The following TSEN34 variants were observed in gnomAD, a reference collection of about 807,000 sequenced individuals.
TSEN34 encodes the protein tRNA splicing endonuclease subunit 34.
TSEN34 carries 25 observed loss-of-function variants against 30.2 expected under a neutral mutation model. The observed-to-expected ratio is 0.83, with a 90% CI of 0.60 to 1.16. The LOEUF (loss-of-function observed/expected upper bound fraction) is 1.16. Among genes scored for constraint, TSEN34 ranks in the 50% most tolerant of loss-of-function variants. TSEN34 has a pLI of 0.00. For synonymous variants in TSEN34, 209 were observed against 177.4 expected, an observed-to-expected ratio of 1.18 and a Z score of -1.41; for missense variants, 475 against 411.9, an observed-to-expected ratio of 1.15 and a Z score of -1.33.
rs2076721724 is a variant in TSEN34, at chr19:54,191,918, G to C, written c.441G>C (p.Glu147Asp). ...CCGGCTCGAGCCAGGCTGCCAAAGA[G>C]GATGAGACCAGTGATGGCCAGGCTT... ...QEAGSSQAAK[E>D]DETSDGQASG... The change falls in exon 2 of 4, where the codon GAG becomes GAC. Residue 147 changes from glutamate to aspartate, a missense_variant. By Grantham distance (45) the Glu-to-Asp change is conservative. Transcript: ENST00000396388. The C allele has an allele frequency of 6.2e-7, 1 of 1,614,066 alleles. No individual in the cohort carries two copies. The highest frequency in any genetic ancestry group is 1.3e-5 in the African/African-American group (1 of 74,922).
rs2076716116 is a variant in TSEN34 at position 54,191,838 on chromosome 19, G to A, written c.361G>A (p.Ala121Thr). 1 of 1,614,064 alleles carries A rather than the reference G, an allele frequency of 6.2e-7. No homozygotes were observed. The highest frequency in any genetic ancestry group is 1.3e-5 in the African/African-American group (1 of 74,932). ...ELLEKITEGQ[A>T]AKKQKLEQAS... is the part of the protein sequence containing the mutation. ...CCTGGAGAAGATTACGGAGGGCCAG[G>A]CTGCTAAGAAGCAGAAACTAGAACA... Residue 121 changes from alanine to threonine, a missense_variant, in exon 2 of 4, where the codon GCT becomes ACT. Physicochemically the swap from Ala to Thr is moderately conservative, Grantham distance 58 (BLOSUM62 0). Transcript: ENST00000396388.
At chr19:54,191,129 C>T (rs143456375), upstream of TSEN34, 4,842 of 1,345,446 alleles carry the variant, frequency 3.6e-3, 330 homozygotes, top group Admixed American at 0.14. Flanking sequence ...GGGAGAGGGT[C>T]GGGGGCTTGT....
At position 54,193,495 on chromosome 19, in the gene TSEN34, C is replaced by G; in HGVS notation, c.*133C>G. On this transcript the variant is annotated 3_prime_UTR_variant, in exon 4 of 4. Transcript: ENST00000396388. ...TAGTTTTTGATTCCAGGTTTTCGAACACTACATCTTTTTTATGTTCTTCCT... is the reference window on the plus strand; with the variant it reads ...TAGTTTTTGATTCCAGGTTTTCGAAGACTACATCTTTTTTATGTTCTTCCT... The G allele has an allele frequency of 6.5e-7, 1 of 1,548,268 alleles. No individual in the cohort carries two copies. Among genetic ancestry groups the G allele is most frequent in the South Asian group, 1.2e-5 (1 of 84,478 alleles).
chr19:54,193,746 G>C lies in TSEN34; in HGVS notation c.*384G>C, dbSNP rs1052800195. The C allele has an allele frequency of 6.3e-5, 45 of 713,870 alleles. No homozygotes were observed. The highest frequency in any genetic ancestry group is 1.0e-4 in the Admixed American group (5 of 49,634). 44.2% of individuals were successfully genotyped at this position (713,870 alleles called of 1,614,324 possible). ...GTACAGGTGAGAAAAAGGCCTGGAG[G>C]AGGGGGACTGACTTGCCCAAAGTCA... On this transcript the variant is annotated 3_prime_UTR_variant, in exon 4 of 4. Coordinates refer to ENST00000396388, the MANE Select transcript of TSEN34 (RefSeq NM_001077446.4).
chr19:54,193,544 T>G lies in TSEN34; in HGVS notation c.*182T>G, dbSNP rs200585062. On this transcript the variant is annotated 3_prime_UTR_variant, in exon 4 of 4. Transcript: ENST00000396388. ...CTTGTTTCAAAGCACTTATTGGCTG[T>G]GTTTTTGTAGTTACCTATTTTCACA... The G allele has an allele frequency of 3.3e-6, 5 of 1,536,476 alleles. No homozygotes were observed. In the East Asian group the frequency reaches 1.2e-4, roughly 38 times the overall value.
upstream of TSEN34, chr19:54,190,571 G>A: frequency 3.2e-6 from 4 of 1,256,436 alleles, no homozygotes; most frequent in Non-Finnish European, 3.0e-6. Context: ...GGAGGGGGCG[G>A]GGCCACAGGC....
At chr19:54,190,220 T>C (rs1600694074), upstream of TSEN34, 1 of 721,748 alleles carries the variant, frequency 1.4e-6, no homozygotes, top group Non-Finnish European at 2.3e-6. Context: ...GGGGCTTCGG[T>C]CCTGCGAGGG....
chr19:54,190,767 AG>A (rs928848484), upstream of TSEN34: 62 of 1,157,264 alleles, frequency 5.4e-5, no homozygotes, highest in Non-Finnish European at 6.6e-5. Context: ...TGTGCTCGGG[AG>A]GGGGCAGGGT....
intron 3 of TSEN34, 109 bp downstream of exon 3, chr19:54,192,482 TTGC>T: frequency 6.9e-7 from 1 of 1,450,664 alleles, no homozygotes; most frequent in Non-Finnish European, 9.5e-7. Flanking sequence ...GGGTCTCTTG[TTGC>T]TTAGGCTGGT....
upstream of TSEN34, chr19:54,190,377 T>G: frequency 6.6e-7 from 1 of 1,507,520 alleles, no homozygotes; most frequent in South Asian, 1.3e-5. Context: ...ATGAGGTGAC[T>G]CGCTGGTTCT....
rs1285797408 is a variant in TSEN34, at chr19:54,191,597, A to G, written c.233A>G (p.His78Arg). The change falls in exon 1 of 4, where the codon CAC (histidine) becomes CGC (arginine). Residue 78 changes from histidine (H) to arginine (R), a missense_variant. By Grantham distance (29) the His-to-Arg change is conservative. Coordinates refer to ENST00000396388, the MANE Select transcript of TSEN34 (RefSeq NM_001077446.4). ...AGCGCCCCGCGTCCAGACTCTCGGCACCACAGCCTGGTAAGGGGGCGGGGC... is the reference window on the plus strand; with the variant it reads ...AGCGCCCCGCGTCCAGACTCTCGGCGCCACAGCCTGGTAAGGGGGCGGGGC... ...LVSAPRPDSRHHSLALTSFKR... is the reference protein window; with the variant it reads ...LVSAPRPDSRRHSLALTSFKR... 8.7e-6 allele frequency: 14 copies of G among 1,603,232 alleles called. No homozygotes were observed. Among genetic ancestry groups the G allele is most frequent in the Non-Finnish European group, 1.0e-5 (12 of 1,179,304 alleles).
In TSEN34 at chr19:54,192,198, C is replaced by A. The variant is rs754766666; in HGVS notation, c.570C>A (p.Ala190=). Residue 190 remains alanine, a synonymous_variant, in exon 3 of 4, where the codon GCC becomes GCA. Coordinates refer to ENST00000396388, the MANE Select transcript of TSEN34 (RefSeq NM_001077446.4). ...RSALLVQLAT[A]RPRPVKARPL... ...CTCTCCTTGTCCAGCTGGCCACTGC[C>A]AGGCCTCGACCGGTCAAGGCCAGGC... 2.5e-6 allele frequency: 4 copies of A among 1,614,182 alleles called. No homozygotes were observed. The highest frequency in any genetic ancestry group is 3.4e-6 in the Non-Finnish European group (4 of 1,180,006).
rs1418786480 is a variant in TSEN34 at position 54,193,616 on chromosome 19, C to G, written c.*254C>G. On this transcript the variant is annotated 3_prime_UTR_variant, in exon 4 of 4. Transcript: ENST00000396388. ...GGCCTGGGTTTGATTCATCTGTTTT[C>G]TACAGGGTTTAAGTCTCAGGAGGTC... is the stretch of plus-strand genomic sequence containing the variant. The G allele has an allele frequency of 1.5e-6, 2 of 1,320,880 alleles. No homozygotes were observed. Among genetic ancestry groups the G allele is most frequent in the African/African-American group, 2.9e-5 (2 of 68,330 alleles). The allele number at this position is 1,320,880 out of a possible 1,614,324, so 81.8% of individuals were successfully genotyped here. A position where few individuals can be genotyped will look rare whatever the true frequency, so the allele number is the denominator to read the frequency against.
chr19:54,192,241 C>T lies in TSEN34; in HGVS notation c.613C>T (p.Gln205Ter). The change falls in exon 3 of 4, where the codon CAG becomes TAG. Residue 205 changes from glutamine to a stop codon, truncating the protein, a stop_gained. Transcript: ENST00000396388. LOFTEE classifies it high-confidence loss of function. ...GGCCAGGCCCCTGGACTGGCGTGTC[C>T]AGTCTAAAGACTGGCCCCACGCCGG... ...VKARPLDWRV[Q>*]SKDWPHAGRP... is the part of the protein sequence containing the mutation. 6.2e-7 allele frequency: 1 copy of T among 1,614,076 alleles called. No homozygotes were observed. Among genetic ancestry groups the T allele is most frequent in the East Asian group, 2.2e-5 (1 of 44,862 alleles).
chr19:54,191,448 G>A lies in TSEN34; in HGVS notation c.84G>A (p.Val28=). 2 of 1,547,848 alleles carry A rather than the reference G, an allele frequency of 1.3e-6. No homozygotes were observed. Among genetic ancestry groups the A allele is most frequent in the South Asian group, 2.4e-5 (2 of 84,552 alleles). ...AVQALRERLG[V]GGRTVGALPR... ...AGGCCCTCCGGGAGCGCCTGGGTGT[G>A]GGGGGCCGCACGGTAGGCGCCCTGC... is the stretch of plus-strand genomic sequence containing the variant. The change falls in exon 1 of 4, where the codon GTG becomes GTA. Residue 28 remains valine (V), a synonymous_variant. Coordinates refer to ENST00000396388, the MANE Select transcript of TSEN34 (RefSeq NM_001077446.4).
chr19:54,190,407 T>C, upstream of TSEN34: 1 of 1,471,214 alleles, frequency 6.8e-7, no homozygotes, highest in South Asian at 1.3e-5. Flanking sequence ...CAGTGGGACA[T>C]TCTGAAGGGA....
chr19:54,193,721 GTACAGGTGAGAAA>G lies in TSEN34; in HGVS notation c.*360_*372del. 1.4e-6 allele frequency: 1 copy of G among 734,500 alleles called. No individual in the cohort carries two copies. Among genetic ancestry groups the G allele is most frequent in the Non-Finnish European group, 2.4e-6 (1 of 414,370 alleles). The allele number at this position is 734,500 out of a possible 1,614,324, so 45.5% of individuals were successfully genotyped here. On this transcript the variant is annotated 3_prime_UTR_variant, in exon 4 of 4. Coordinates refer to ENST00000396388, the MANE Select transcript of TSEN34 (RefSeq NM_001077446.4). Reference sequence around the variant, plus strand: ...AACCCGTGGATGGTCTCATCTGCATGTACAGGTGAGAAAAAGGCCTGGAGGAGGGGGACTGACT... The same window carrying G: ...AACCCGTGGATGGTCTCATCTGCATGAAGGCCTGGAGGAGGGGGACTGACT...
chr19:54,190,250 G>A, upstream of TSEN34: 1 of 1,009,366 alleles, frequency 9.9e-7, no homozygotes, highest in South Asian at 1.4e-5. Context: ...GACTTCCCGC[G>A]GCGCTGATGG....
Position 54,194,390 on chromosome 19 carries a change from GTTATA to G in TSEN34, c.*1031_*1035del, listed in dbSNP as rs1352873043. 3 of 151,882 alleles carry G rather than the reference GTTATA, an allele frequency of 2.0e-5. No homozygotes were observed. Among genetic ancestry groups the G allele is most frequent in the African/African-American group, 4.8e-5 (2 of 41,310 alleles). 9.4% of individuals were successfully genotyped at this position (151,882 alleles called of 1,614,324 possible). ...ATATTTTAGACTCTTTTTTGGATGT[GTTATA>G]TTCTGCAATTTTTATAAAAGCTAAA... On this transcript the variant is annotated 3_prime_UTR_variant, in exon 4 of 4. Coordinates refer to ENST00000396388, the MANE Select transcript of TSEN34 (RefSeq NM_001077446.4).
Sources: gnomAD v4.1 joint callset for allele counts on GRCh38, gnomAD v4.1.1 for gene constraint, MANE v1.5 for transcripts, NCBI Gene and HGNC (gene_info 2026-07-23, HGNC 2026-07-21) for gene names.